Variants in TOM1L2 observed in about 807,000 individuals in gnomAD.
TOM1L2 encodes the protein target of myb1 like 2 membrane trafficking protein, also known as TOM1-like protein 2.
Under a neutral mutation model 67.9 loss-of-function variants are expected in TOM1L2, and 31 were observed. The ratio of observed to expected loss-of-function variants is 0.46; its 90% CI spans 0.34 to 0.62. The LOEUF (loss-of-function observed/expected upper bound fraction) is 0.62, where lower values mean the gene tolerates loss of function less well. Ranked by LOEUF, TOM1L2 falls within the 20% of genes least tolerant of loss-of-function variation. The pLI is 0.01. For synonymous variants in TOM1L2, 256 were observed against 254.0 expected (o/e 1.01, Z -0.07); for missense variants, 606 against 663.5 (o/e 0.91, Z 0.95).
chr17:17,909,604 G>A (rs1399655761), intron 1 of TOM1L2, among the ~76,000 whole-genome samples: 2 of 151,780 alleles, frequency 1.3e-5, no homozygotes, highest in African/African-American at 4.8e-5. Context: ...GTGTGGGGGT[G>A]GGGGAATGGG....
intron 1 of TOM1L2, among the ~76,000 whole-genome samples, chr17:17,942,572 C>T (rs1208782496): frequency 6.6e-6 from 1 of 152,174 alleles, no homozygotes; most frequent in Non-Finnish European, 1.5e-5. Context: ...TACACCTTCC[C>T]TTTTAAATCT....
In TOM1L2 at chr17:17,866,397, T is replaced by A; in HGVS notation, c.983A>T (p.Asp328Val). ...CCCTGGCCCCAGGTCTATTAAGTTG[T>A]CTTCGGTTACTTCATTCAGTACCTG... Reference protein sequence around the residue: ...SNGVLNEVTEDNLIDLGPGSP... With the variant: ...SNGVLNEVTEVNLIDLGPGSP... The change falls in exon 10 of 15, where the codon GAC becomes GTC. Residue 328 changes from aspartate (D) to valine (V), a missense_variant. By Grantham distance (152) the Asp-to-Val change is radical. Transcript: ENST00000379504. 6.2e-7 allele frequency: 1 copy of A among 1,603,870 alleles called. No homozygotes were observed. Among genetic ancestry groups the A allele is most frequent in the Non-Finnish European group, 8.5e-7 (1 of 1,174,264 alleles).
intron 1 of TOM1L2, among the ~76,000 whole-genome samples, chr17:17,925,980 G>C (rs1008057654): frequency 6.6e-6 from 1 of 151,992 alleles, no homozygotes; most frequent in African/African-American, 2.4e-5. Flanking sequence ...AAACCAGCCT[G>C]GGTAACACAG....
At chr17:17,929,008 G>C (rs1156818776) in intron 1 of TOM1L2, among the ~76,000 whole-genome samples, 2 of 152,214 alleles carry the variant, frequency 1.3e-5, no homozygotes, top group African/African-American at 4.8e-5. Context: ...TTGCAAGCTT[G>C]TAACAAGTCT....
intron 4 of TOM1L2, among the ~76,000 whole-genome samples, chr17:17,892,051 G>C (rs2038314610): frequency 6.6e-6 from 1 of 152,176 alleles, no homozygotes; most frequent in East Asian, 1.9e-4. Context: ...CAAAAGAAAT[G>C]TTAGCAAAGC....
intron 12 of TOM1L2, chr17:17,857,654 G>T: frequency 2.3e-6 from 2 of 887,716 alleles, no homozygotes; most frequent in Non-Finnish European, 3.5e-6. Flanking sequence ...AAAGCGTGTG[G>T]CCTTGTACTG....
intron 1 of TOM1L2, among the ~76,000 whole-genome samples, chr17:17,957,013 G>A (rs1459897919): frequency 6.6e-6 from 1 of 152,214 alleles, no homozygotes; most frequent in African/African-American, 2.4e-5. Flanking sequence ...CTGCCAGCAC[G>A]CTGTCACCTC....
intron 7 of TOM1L2, among the ~76,000 whole-genome samples, chr17:17,874,411 C>G (rs1432975428): frequency 6.6e-6 from 1 of 152,114 alleles, no homozygotes; most frequent in Admixed American, 6.5e-5. Flanking sequence ...GCTAGGATTA[C>G]AGGCACCCGC....
At chr17:17,925,759 G>T (rs1326070008) in intron 1 of TOM1L2, among the ~76,000 whole-genome samples, 3 of 151,308 alleles carry the variant, frequency 2.0e-5, no homozygotes, top group Non-Finnish European at 4.4e-5. Context: ...GGAGGCTGAG[G>T]TAGGAAGATC....
chr17:17,913,138 T>C (rs1294972050), intron 1 of TOM1L2, among the ~76,000 whole-genome samples: 1 of 146,924 alleles, frequency 6.8e-6, no homozygotes, highest in Non-Finnish European at 1.5e-5. Flanking sequence ...ATGGCAGCAG[T>C]ACAGTCCAGC....
At chr17:17,946,774 G>A (rs1025656540) in intron 1 of TOM1L2, among the ~76,000 whole-genome samples, 1 of 151,960 alleles carries the variant, frequency 6.6e-6, no homozygotes, top group African/African-American at 2.4e-5. Context: ...GCCCAGGCTG[G>A]AGCGCAATGG....
At chr17:17,891,324 C>A (rs1431115673) in intron 4 of TOM1L2, among the ~76,000 whole-genome samples, 1 of 152,146 alleles carries the variant, frequency 6.6e-6, no homozygotes, top group East Asian at 1.9e-4. Flanking sequence ...TACATGCCCA[C>A]AATAAATTAG....
At chr17:17,909,175 C>T (rs1484718280) in intron 1 of TOM1L2, among the ~76,000 whole-genome samples, 4 of 151,950 alleles carry the variant, frequency 2.6e-5, no homozygotes, top group Admixed American at 6.6e-5. Context: ...AGCCAGACTC[C>T]GTCTCAAAAA....
intron 6 of TOM1L2, among the ~76,000 whole-genome samples, chr17:17,882,348 G>A (rs935996694): frequency 3.3e-5 from 5 of 152,186 alleles, no homozygotes; most frequent in African/African-American, 1.2e-4. Context: ...CTGCTGCTCC[G>A]AGAGAGCAGC....
intron 1 of TOM1L2, among the ~76,000 whole-genome samples, chr17:17,928,601 G>C (rs920744455): frequency 3.3e-5 from 5 of 152,194 alleles, no homozygotes; most frequent in Admixed American, 1.3e-4. Context: ...GCACACACGA[G>C]ATGAATTAAT....
At chr17:17,883,240 G>A (rs539973980) in intron 5 of TOM1L2, among the ~76,000 whole-genome samples, 43 of 152,250 alleles carry the variant, frequency 2.8e-4, no homozygotes, top group Middle Eastern at 6.8e-3. Flanking sequence ...TCTTTACTTG[G>A]TACCATAAGA....
At chr17:17,943,592 C>T (rs1029132767) in intron 1 of TOM1L2, among the ~76,000 whole-genome samples, 1 of 152,210 alleles carries the variant, frequency 6.6e-6, no homozygotes, top group African/African-American at 2.4e-5. Flanking sequence ...CTCCAGATCT[C>T]TCTTGGGGAT....
At chr17:17,847,896 C>T (rs1208509094) in intron 14 of TOM1L2, 113 bp from the exon 15 acceptor site, 3 of 1,449,930 alleles carry the variant, frequency 2.1e-6, no homozygotes, top group Non-Finnish European at 2.9e-6. Flanking sequence ...TGAAGCCCAC[C>T]TAGGAGCAGG....
In TOM1L2 at chr17:17,872,146, A is replaced by C. The variant is rs61679820; in HGVS notation, c.778-2673T>G. 7.6e-3 allele frequency: 4,433 copies of C among 586,042 alleles called. 174 individuals are homozygous for C. The African/African-American group carries it at 0.082, about 11-fold the overall frequency. The allele number at this position is 586,042 out of a possible 1,614,324, so 36.3% of individuals were successfully genotyped here. Reference sequence around the variant, plus strand: ...AATTACTGTACACAGGAAAACCAACAACACAGGGGAAACACTCATTACAGA... The same window carrying C: ...AATTACTGTACACAGGAAAACCAACCACACAGGGGAAACACTCATTACAGA... On this transcript the variant is annotated intron_variant, in intron 7 of 14. Transcript: ENST00000379504.
Sources: allele counts gnomAD v4.1 joint callset (sites outside exome capture counted in the v4.1 genomes callset), GRCh38; gene constraint gnomAD v4.1.1; transcripts MANE v1.5; gene names NCBI Gene and HGNC (gene_info 2026-07-23, HGNC 2026-07-21).